AFF3: variants seen among roughly 807,000 people sequenced by gnomAD.
AFF3 encodes AF4/FMR2 family member 3.
Under a neutral mutation model 129.7 loss-of-function variants are expected in AFF3, and 32 were observed. The observed-to-expected ratio is 0.25, with a 90% confidence interval of 0.19 to 0.33. The LOEUF (loss-of-function observed/expected upper bound fraction) is 0.33. AFF3 is among the 10% of genes least tolerant of loss of function. The probability of loss-of-function intolerance (pLI) is 1.00; values close to 1 mark genes in which losing one functional copy is unlikely to be tolerated. For missense variants in AFF3, 1,373 were observed against 1,592.0 expected (o/e 0.86, Z 2.34); for synonymous variants, 644 against 635.4 (o/e 1.01, Z -0.20).
intron 13 of AFF3, among the ~76,000 whole-genome samples, chr2:99,612,858 GT>G (rs1681065449): frequency 6.6e-6 from 1 of 152,134 alleles, no homozygotes; most frequent in Non-Finnish European, 1.5e-5. Flanking sequence ...TAAGTTTGTG[GT>G]CTTTCCCTGC....
At chr2:99,661,043 A>G (rs1034150573) in intron 12 of AFF3, among the ~76,000 whole-genome samples, 2 of 152,212 alleles carry the variant, frequency 1.3e-5, no homozygotes, top group Non-Finnish European at 2.9e-5. Flanking sequence ...CTGTCGGTAA[A>G]TCCTTTACTA....
chr2:99,662,990 C>T (rs1686377714), intron 12 of AFF3, among the ~76,000 whole-genome samples: 1 of 152,168 alleles, frequency 6.6e-6, no homozygotes, highest in Non-Finnish European at 1.5e-5. Context: ...TCAGGATCAA[C>T]CAAGCTGATC....
chr2:99,567,715 G>C (rs1034189086), intron 19 of AFF3, among the ~76,000 whole-genome samples: 14 of 152,326 alleles, frequency 9.2e-5, no homozygotes, highest in African/African-American at 3.1e-4. Context: ...GGTGTGCTTA[G>C]AGGTCAGTAG....
chr2:99,603,209 G>A (rs1680005815), intron 13 of AFF3, among the ~76,000 whole-genome samples: 2 of 152,024 alleles, frequency 1.3e-5, no homozygotes, highest in African/African-American at 4.8e-5. Context: ...CTCAGGGGCT[G>A]TAATATTTCT....
intron 11 of AFF3, among the ~76,000 whole-genome samples, chr2:99,682,931 TC>T (rs2104569161): frequency 6.6e-6 from 1 of 152,338 alleles, no homozygotes; most frequent in East Asian, 1.9e-4. Context: ...GCTGGAGACA[TC>T]TGAGATTACT....
chr2:99,744,567 C>T (rs1680984680), intron 9 of AFF3, among the ~76,000 whole-genome samples: 1 of 152,172 alleles, frequency 6.6e-6, no homozygotes, highest in Non-Finnish European at 1.5e-5. Context: ...CCCAGCCCCT[C>T]ACAACCACCA....
chr2:99,766,192 A>G (rs1340546514), intron 8 of AFF3, among the ~76,000 whole-genome samples: 1 of 152,278 alleles, frequency 6.6e-6, no homozygotes, highest in African/African-American at 2.4e-5. Context: ...TACTGGGGCC[A>G]GGATCAAAGT....
intron 7 of AFF3, among the ~76,000 whole-genome samples, chr2:99,903,822 A>G (rs1324536085): frequency 2.0e-5 from 3 of 152,140 alleles, no homozygotes; most frequent in East Asian, 1.9e-4. Context: ...CAACCTGCTG[A>G]TGCTGCCAAT....
At chr2:99,854,696 T>C (rs1018113098) in intron 7 of AFF3, among the ~76,000 whole-genome samples, 1 of 152,290 alleles carries the variant, frequency 6.6e-6, no homozygotes, top group South Asian at 2.1e-4. Context: ...TCCTTGGCTG[T>C]AGGTAGAGCT....
chr2:100,070,531 T>A (rs1688095761), intron 4 of AFF3, among the ~76,000 whole-genome samples: 1 of 152,248 alleles, frequency 6.6e-6, no homozygotes, highest in Non-Finnish European at 1.5e-5. Context: ...ATGTTCATAG[T>A]TTATTCTACA....
At chr2:99,715,031 T>C (rs1259388035) in intron 11 of AFF3, among the ~76,000 whole-genome samples, 14 of 152,156 alleles carry the variant, frequency 9.2e-5, no homozygotes, top group Admixed American at 9.2e-4. Flanking sequence ...GAAATAGAAG[T>C]CAGTGGTGGA....
intron 7 of AFF3, among the ~76,000 whole-genome samples, chr2:99,950,106 G>A (rs1187699425): frequency 9.2e-5 from 14 of 152,200 alleles, no homozygotes; most frequent in South Asian, 2.1e-4. Context: ...ATTTACAGGA[G>A]GCAGGCAACA....
chr2:99,845,015 CG>C (rs1294278579), intron 7 of AFF3, among the ~76,000 whole-genome samples: 5 of 151,958 alleles, frequency 3.3e-5, no homozygotes, highest in African/African-American at 4.8e-5. Context: ...AGAATAATGC[CG>C]GTTATCTACA....
intron 13 of AFF3, among the ~76,000 whole-genome samples, chr2:99,647,994 C>T (rs17022838): frequency 0.02 from 3,052 of 152,210 alleles, 79 homozygotes; most frequent in East Asian, 0.072. Flanking sequence ...AAGAAATCTT[C>T]GAATGTATCA....
chr2:99,779,273 T>A (rs977935523), intron 8 of AFF3, among the ~76,000 whole-genome samples: 9 of 152,208 alleles, frequency 5.9e-5, no homozygotes, highest in Admixed American at 3.9e-4. Context: ...TTTTTCTGTA[T>A]CTATTGAGAT....
chr2:99,961,474 A>G (rs1471448741), intron 7 of AFF3, among the ~76,000 whole-genome samples: 1 of 152,012 alleles, frequency 6.6e-6, no homozygotes, highest in Non-Finnish European at 1.5e-5. Flanking sequence ...CACTTTTGCC[A>G]TTTTCCTTAG....
At chr2:99,933,260 C>T (rs1215575621) in intron 7 of AFF3, among the ~76,000 whole-genome samples, 1 of 152,014 alleles carries the variant, frequency 6.6e-6, no homozygotes, top group Admixed American at 6.6e-5. Flanking sequence ...GGGAAAAGTT[C>T]CTTTGAGAAC....
chr2:99,736,519 A>G (rs1255995976), intron 10 of AFF3, among the ~76,000 whole-genome samples: 2 of 152,176 alleles, frequency 1.3e-5, no homozygotes, highest in African/African-American at 2.4e-5. Flanking sequence ...CATTGTAAAT[A>G]GCACAGAGCT....
At chr2:99,707,000 A>T (rs1677458940) in intron 11 of AFF3, 1 of 680,542 alleles carries the variant, frequency 1.5e-6, no homozygotes. Context: ...TCACATTTGC[A>T]TATTCAGCAG....
Sources: gnomAD v4.1 joint callset for allele counts (sites outside exome capture counted in the v4.1 genomes callset) on GRCh38, gnomAD v4.1.1 for gene constraint, MANE v1.5 for transcripts, NCBI Gene and HGNC (gene_info 2026-07-23, HGNC 2026-07-21) for gene names.